Variants in ARHGAP45 observed in about 807,000 individuals in gnomAD.
The protein encoded by ARHGAP45 is Rho GTPase activating protein 45.
A neutral mutation model predicts 116.1 loss-of-function variants in ARHGAP45; 56 were observed. The ratio of observed to expected loss-of-function variants is 0.48; its 90% confidence interval spans 0.39 to 0.60. ARHGAP45 has a LOEUF of 0.60. ARHGAP45 is among the 20% of genes least tolerant of loss of function. The probability of loss-of-function intolerance (pLI) is 0.00; values close to 1 mark genes in which losing one functional copy is unlikely to be tolerated. For missense variants in ARHGAP45, 1,622 were observed against 1,601.0 expected (o/e 1.01, Z -0.22); for synonymous variants, 866 against 701.7 (o/e 1.23, Z -3.70).
chr19:1,084,093 C>G (rs2043525870), intron 21 of ARHGAP45, 145 bp from the exon 22 acceptor site: 1 of 720,278 alleles, frequency 1.4e-6, no homozygotes, highest in Admixed American at 2.3e-5. Flanking sequence ...GCTGCGGTTT[C>G]TCGGGTTTGC....
chr19:1,084,521 C>G (rs1019060114), intron 22 of ARHGAP45, among the ~76,000 whole-genome samples, 175 bp downstream of exon 22: 7 of 152,198 alleles, frequency 4.6e-5, no homozygotes, highest in Middle Eastern at 3.2e-3. Context: ...GTCCTTTAAC[C>G]GGCTGCAAAA....
At position 1,077,988 on chromosome 19, in the gene ARHGAP45, C is replaced by T; in HGVS notation, c.1317C>T (p.Ser439=). The T allele has an allele frequency of 1.3e-6, 2 of 1,554,656 alleles. No individual in the cohort carries two copies. The highest frequency in any genetic ancestry group is 1.4e-5 in the African/African-American group (1 of 73,382). Reference sequence around the variant, plus strand: ...CTGGCAGCGCGCCGGGAGCAGGCAGCACGGCCACCAAGACCCTGGACAAGC... The same window carrying T: ...CTGGCAGCGCGCCGGGAGCAGGCAGTACGGCCACCAAGACCCTGGACAAGC... The part of the protein sequence containing the change: ...EQAGSAPGAG[S]TATKTLDKRR... Residue 439 remains serine (S), a synonymous_variant, in exon 11 of 23, where the codon AGC becomes AGT. Coordinates refer to ENST00000313093, the MANE Select transcript of ARHGAP45 (RefSeq NM_012292.5).
chr19:1,067,340 A>G lies in ARHGAP45; in HGVS notation c.-66A>G. On this transcript the variant is annotated 5_prime_UTR_variant, in exon 1 of 23. Transcript: ENST00000313093. ...GCGACAATGTGGTCCCGAAGCGGCC[A>G]GCGCCGGGAGCTGCAGCGCTGAGAC... is the stretch of plus-strand genomic sequence containing the variant. The G allele has an allele frequency of 6.8e-7, 1 of 1,472,302 alleles. No individual in the cohort carries two copies. The highest frequency in any genetic ancestry group is 2.1e-4 in the Middle Eastern group (1 of 4,756). 91.2% of individuals were successfully genotyped at this position (1,472,302 alleles called of 1,614,324 possible).
rs1188565933 is a variant in ARHGAP45 at position 1,074,778 on chromosome 19, T to TCACG, written c.1105-20_1105-17dup. On this transcript the variant is annotated intron_variant, in intron 9 of 22. Transcript: ENST00000313093. ...GCGGGGGTGTCACCGGGGTACCCAC[T>TCACG]CACGGCCCGTCTCGCCCCAGCCCCT... 1.1e-5 allele frequency: 17 copies of TCACG among 1,599,758 alleles called. No homozygotes were observed. In the Admixed American group the frequency reaches 2.9e-4, roughly 27 times the overall value.
At position 1,080,689 on chromosome 19, in the gene ARHGAP45, T is replaced by C. The variant is rs2043406823; in HGVS notation, c.1920T>C (p.Phe640=). Residue 640 remains phenylalanine (F), a synonymous_variant, in exon 16 of 23, where the codon TTT becomes TTC. Coordinates refer to ENST00000313093, the MANE Select transcript of ARHGAP45 (RefSeq NM_012292.5). ...GLDPGPGAGD[F]KKFERTSSSG... is the part of the protein sequence containing the mutation. The stretch of plus-strand genomic sequence containing the variant: ...GTCCTGATTCCCGCCCAGGGGACTT[T>C]AAGAAGTTCGAGCGGACGTCATCCA... 1.2e-6 allele frequency: 2 copies of C among 1,613,218 alleles called. No individual in the cohort carries two copies. The highest frequency in any genetic ancestry group is 1.7e-6 in the Non-Finnish European group (2 of 1,179,878).
At chr19:1,084,672 A>G (rs990501509) in intron 22 of ARHGAP45, among the ~76,000 whole-genome samples, 1 of 152,088 alleles carries the variant, frequency 6.6e-6, no homozygotes, top group Non-Finnish European at 1.5e-5. Flanking sequence ...TTTTCTAGAG[A>G]AGGGCGTGGG....
In ARHGAP45 at chr19:1,080,682, G is replaced by C. The variant is rs150294461; in HGVS notation, c.1913G>C (p.Gly638Ala). ...CTGAACAGTCCTGATTCCCGCCCAGGGGACTTTAAGAAGTTCGAGCGGACG... is the reference window on the plus strand; with the variant it reads ...CTGAACAGTCCTGATTCCCGCCCAGCGGACTTTAAGAAGTTCGAGCGGACG... ...DSGLDPGPGA[G>A]DFKKFERTSS... The change falls in exon 16 of 23, where the codon GGG (glycine) becomes GCG (alanine). Residue 638 changes from glycine to alanine, a missense_variant and splice_region_variant. Gly to Ala is a moderately conservative substitution (Grantham distance 60). This residue lies in a region of ARHGAP45 where 1,334 missense variants were observed against 1,263.8 expected (regional missense o/e 1.06). Transcript: ENST00000313093. 1.2e-6 allele frequency: 2 copies of C among 1,613,302 alleles called. No individual in the cohort carries two copies. The highest frequency in any genetic ancestry group is 2.2e-5 in the East Asian group (1 of 44,888).
chr19:1,075,850 G>A (rs2043236039), intron 10 of ARHGAP45, among the ~76,000 whole-genome samples: 1 of 152,148 alleles, frequency 6.6e-6, no homozygotes, highest in Non-Finnish European at 1.5e-5. Context: ...TGTTAACACG[G>A]TCTGCAGTGA....
intron 22 of ARHGAP45, among the ~76,000 whole-genome samples, chr19:1,084,766 GTTGT>G (rs1372278588): frequency 2.0e-5 from 3 of 152,184 alleles, no homozygotes; most frequent in South Asian, 2.1e-4. Context: ...GGACACCTGT[GTTGT>G]CTGTCTTCAC....
chr19:1,071,379 C>A lies in ARHGAP45; in HGVS notation c.422-1770C>A. 1 of 1,266,794 alleles carries A rather than the reference C, an allele frequency of 7.9e-7. No homozygotes were observed. Among genetic ancestry groups the A allele is most frequent in the Non-Finnish European group, 1.0e-6 (1 of 1,004,194 alleles). The allele number at this position is 1,266,794 out of a possible 1,614,324, so 78.5% of individuals were successfully genotyped here. A position where few individuals can be genotyped will look rare whatever the true frequency, so the allele number is the denominator to read the frequency against. The stretch of plus-strand genomic sequence containing the variant: ...CCGAGGTGAGGGGACAGGTGCCGGG[C>A]GCTGGGTCCCGCCGCGTCCGGGAGC... On this transcript the variant is annotated intron_variant, in intron 2 of 22. Coordinates refer to ENST00000313093, the MANE Select transcript of ARHGAP45 (RefSeq NM_012292.5). This position sits in a 1 kb window ranked among gnomAD's most constrained non-coding sequence, Gnocchi z 4.6.
chr19:1,074,715 C>A lies in ARHGAP45; in HGVS notation c.1095C>A (p.Thr365=), dbSNP rs765679704. Reference sequence around the variant, plus strand: ...CGGTGGGCACCTTGCAGACCCAGACCTTCATGCAGGTGCGTGGTGCCCGGG... The same window carrying A: ...CGGTGGGCACCTTGCAGACCCAGACATTCATGCAGGTGCGTGGTGCCCGGG... ...VQAVGTLQTQ[T]FMQPLTLRRL... is the part of the protein sequence containing the mutation. Residue 365 remains threonine (T), a synonymous_variant, in exon 9 of 23, where the codon ACC becomes ACA. Coordinates refer to ENST00000313093, the MANE Select transcript of ARHGAP45 (RefSeq NM_012292.5). The A allele has an allele frequency of 6.2e-7, 1 of 1,608,612 alleles. No individual in the cohort carries two copies. Among genetic ancestry groups the A allele is most frequent in the Non-Finnish European group, 8.5e-7 (1 of 1,178,408 alleles).
At chr19:1,066,310 G>A (rs2043030200), upstream of ARHGAP45, 3 of 768,814 alleles carry the variant, frequency 3.9e-6, no homozygotes, top group Admixed American at 8.4e-5. Context: ...AGGAGGCTGG[G>A]ATCTGTATGC....
chr19:1,071,181 G>A lies in ARHGAP45; in HGVS notation c.422-1968G>A. The A allele has an allele frequency of 7.4e-7, 1 of 1,348,630 alleles. No homozygotes were observed. The highest frequency in any genetic ancestry group is 1.5e-5 in the South Asian group (1 of 65,662). 83.5% of individuals were successfully genotyped at this position (1,348,630 alleles called of 1,614,324 possible). Reference sequence around the variant, plus strand: ...ACCCCAGGGCGGGGTTTCCCTCGCGGGGGCGGGGCCTCCTGACCGGCCGGA... The same window carrying A: ...ACCCCAGGGCGGGGTTTCCCTCGCGAGGGCGGGGCCTCCTGACCGGCCGGA... On this transcript the variant is annotated intron_variant, in intron 2 of 22. Coordinates refer to ENST00000313093, the MANE Select transcript of ARHGAP45 (RefSeq NM_012292.5). The surrounding 1 kb of genome is among the most constrained non-coding windows in gnomAD (Gnocchi z 4.6).
Position 1,079,970 on chromosome 19 carries a change from C to T in ARHGAP45, c.1555C>T (p.Pro519Ser), listed in dbSNP as rs1222575192. 7 of 1,612,698 alleles carry T rather than the reference C, an allele frequency of 4.3e-6. No individual in the cohort carries two copies. The highest frequency in any genetic ancestry group is 1.7e-5 in the Admixed American group (1 of 60,024). ...YYQMMHMQTA[P>S]LPVHFQMLCE... ...CCAGATGATGCATATGCAGACGGCG[C>T]CGCTGCCCGTGCACTTCCAGATGCT... is the stretch of plus-strand genomic sequence containing the variant. Residue 519 changes from proline to serine, a missense_variant, in exon 13 of 23, where the codon CCG becomes TCG. Transcript: ENST00000313093.
rs563814411 is a variant in ARHGAP45, at chr19:1,086,117, CGA to C, written c.*115_*116del. 223 of 1,018,852 alleles carry C rather than the reference CGA, an allele frequency of 2.2e-4. No homozygotes were observed. The African/African-American group carries it at 3.1e-3, about 14-fold the overall frequency. The allele number at this position is 1,018,852 out of a possible 1,614,324, so 63.1% of individuals were successfully genotyped here. A position where few individuals can be genotyped will look rare whatever the true frequency, so the allele number is the denominator to read the frequency against. The stretch of plus-strand genomic sequence containing the variant: ...AGGTGCGCCGTCCTGGGGTCGCTGC[CGA>C]GAGCGCCTGGACTTCGACGTCCCAC... On this transcript the variant is annotated 3_prime_UTR_variant, in exon 23 of 23. Transcript: ENST00000313093.
chr19:1,086,235 G>A lies in ARHGAP45; in HGVS notation c.*229G>A, dbSNP rs1274503606. On this transcript the variant is annotated 3_prime_UTR_variant, in exon 23 of 23. Coordinates refer to ENST00000313093, the MANE Select transcript of ARHGAP45 (RefSeq NM_012292.5). ...GTGCTGTCCCCTGCACCCCGGCTCA[G>A]CTGAGCTGGGGAACACTGCTGTCGT... The A allele has an allele frequency of 7.4e-6, 4 of 543,330 alleles. No individual in the cohort carries two copies. The highest frequency in any genetic ancestry group is 5.7e-5 in the African/African-American group (3 of 52,656). The allele number at this position is 543,330 out of a possible 1,614,324, so 33.7% of individuals were successfully genotyped here.
chr19:1,085,969 T>A lies in ARHGAP45; in HGVS notation c.3374T>A (p.Leu1125Gln), dbSNP rs761118815. ...AGGCTCCGTGGCGGGCGGATGACAC[T>A]GGGCTCCTGCAGGGAAAGGCAGCCG... Reference protein sequence around the residue: ...PMRLRGGRMTLGSCRERQPEF... With the variant: ...PMRLRGGRMTQGSCRERQPEF... The change falls in exon 23 of 23, where the codon CTG becomes CAG. Residue 1125 changes from leucine (L) to glutamine (Q), a missense_variant. Physicochemically the swap from Leu to Gln is moderately radical, Grantham distance 113. Coordinates refer to ENST00000313093, the MANE Select transcript of ARHGAP45 (RefSeq NM_012292.5). The A allele has an allele frequency of 1.2e-6, 2 of 1,612,730 alleles. No homozygotes were observed. The highest frequency in any genetic ancestry group is 1.7e-6 in the Non-Finnish European group (2 of 1,179,874).
At chr19:1,079,447 T>A (rs188081760) in intron 11 of ARHGAP45, among the ~76,000 whole-genome samples, 75 of 146,640 alleles carry the variant, frequency 5.1e-4, no homozygotes, top group Non-Finnish European at 9.4e-4. Context: ...GAGGTTGCAG[T>A]GAGCTGAGAT....
rs935535434 is a variant in ARHGAP45 at position 1,077,850 on chromosome 19, C to A, written c.1186-7C>A. ...TGGAACTGGCCTCCTGGCTCCCACACCCACAGCAAGAGGCGGAGTCCAACC... is the reference window on the plus strand; with the variant it reads ...TGGAACTGGCCTCCTGGCTCCCACAACCACAGCAAGAGGCGGAGTCCAACC... On this transcript the variant is annotated splice_polypyrimidine_tract_variant and splice_region_variant and intron_variant, in intron 10 of 22. Coordinates refer to ENST00000313093, the MANE Select transcript of ARHGAP45 (RefSeq NM_012292.5). The A allele has an allele frequency of 5.2e-6, 8 of 1,552,312 alleles. No individual in the cohort carries two copies. The South Asian group carries it at 5.9e-5, about 12-fold the overall frequency.
Sources: allele counts gnomAD v4.1 joint callset (sites outside exome capture counted in the v4.1 genomes callset), GRCh38; gene constraint gnomAD v4.1.1; regional missense constraint gnomAD v4.1.1; non-coding constraint Gnocchi (gnomAD v3.1); transcripts MANE v1.5; gene names NCBI Gene and HGNC (gene_info 2026-07-23, HGNC 2026-07-21).